The following CNBD1 variants were observed in gnomAD, a reference collection of about 807,000 sequenced individuals.
The protein encoded by CNBD1 is cyclic nucleotide-binding domain-containing protein 1.
In CNBD1, 71 loss-of-function variants were observed where a neutral mutation model predicts 54.4. That is an observed-to-expected ratio of 1.30 (90% CI 1.08 to 1.59). The LOEUF (loss-of-function observed/expected upper bound fraction) is 1.59, where lower values mean the gene tolerates loss of function less well. Ranked by LOEUF, CNBD1 falls within the 40% of genes most tolerant of loss-of-function variation. CNBD1 has a pLI of 0.00. For synonymous variants in CNBD1, 182 were observed against 170.7 expected (o/e 1.07, Z -0.51); for missense variants, 659 against 518.0 (o/e 1.27, Z -2.64).
intron 5 of CNBD1, among the ~76,000 whole-genome samples, chr8:87,229,364 T>G (rs1397716407): frequency 5.9e-5 from 9 of 152,228 alleles, no homozygotes; most frequent in Non-Finnish European, 1.3e-4. Flanking sequence ...CCATGCTATT[T>G]GTTTCTTCTC....
At chr8:87,245,360 G>A (rs973116357) in intron 6 of CNBD1, among the ~76,000 whole-genome samples, 4 of 151,848 alleles carry the variant, frequency 2.6e-5, no homozygotes, top group African/African-American at 7.2e-5. Flanking sequence ...GTTTACCAAC[G>A]CTTTTTTAAT....
chr8:86,986,115 A>G (rs977492196), intron 4 of CNBD1, among the ~76,000 whole-genome samples: 12 of 152,032 alleles, frequency 7.9e-5, no homozygotes, highest in Admixed American at 3.9e-4. Context: ...TTTTTAGTAG[A>G]GATAGGGTTT....
chr8:87,102,370 A>T (rs972185630), intron 4 of CNBD1, among the ~76,000 whole-genome samples: 4 of 152,166 alleles, frequency 2.6e-5, no homozygotes, highest in Non-Finnish European at 5.9e-5. Context: ...CATGGCGAGA[A>T]TTCGTATGAA....
intron 6 of CNBD1, among the ~76,000 whole-genome samples, chr8:87,266,710 C>T (rs1055480115): frequency 6.6e-6 from 1 of 151,808 alleles, no homozygotes; most frequent in African/African-American, 2.4e-5. Flanking sequence ...CCTCGGTCTC[C>T]CAAAGTGCTG....
chr8:87,377,422 G>A (rs945530636), intron 10 of CNBD1, among the ~76,000 whole-genome samples: 12 of 151,288 alleles, frequency 7.9e-5, no homozygotes, highest in African/African-American at 2.4e-4. Context: ...TTGTTCTTGC[G>A]ATAGTTTATT....
At chr8:86,971,512 T>C (rs1018412170) in intron 4 of CNBD1, among the ~76,000 whole-genome samples, 9 of 152,242 alleles carry the variant, frequency 5.9e-5, no homozygotes, top group Non-Finnish European at 7.3e-5. Context: ...TTTAGTTTTA[T>C]GTTATCTTTG....
At chr8:87,073,266 AG>A (rs1025068654) in intron 4 of CNBD1, among the ~76,000 whole-genome samples, 1 of 151,772 alleles carries the variant, frequency 6.6e-6, no homozygotes, top group African/African-American at 2.4e-5. Flanking sequence ...AGCTCAGTAA[AG>A]TTTGTTATTA....
At chr8:87,087,905 A>G (rs1811134728) in intron 4 of CNBD1, among the ~76,000 whole-genome samples, 1 of 152,204 alleles carries the variant, frequency 6.6e-6, no homozygotes, top group African/African-American at 2.4e-5. Context: ...TGCGGTCAGC[A>G]GGTGGTGAAT....
chr8:87,250,608 T>A (rs1720643941), intron 6 of CNBD1, among the ~76,000 whole-genome samples: 1 of 152,158 alleles, frequency 6.6e-6, no homozygotes, highest in Non-Finnish European at 1.5e-5. Context: ...TAAAGAAATG[T>A]GGTATATGTA....
intron 2 of CNBD1, among the ~76,000 whole-genome samples, chr8:87,422,752 T>C (rs1807963792): frequency 6.6e-6 from 1 of 152,184 alleles, no homozygotes; most frequent in African/African-American, 2.4e-5. Flanking sequence ...GACTTGACGA[T>C]GCGGGCTCTT....
At chr8:87,096,973 T>C (rs1177829086) in intron 4 of CNBD1, among the ~76,000 whole-genome samples, 4 of 152,208 alleles carry the variant, frequency 2.6e-5, no homozygotes, top group Non-Finnish European at 1.5e-5. Context: ...CAGCTCAGGA[T>C]ATACTTGGAA....
At chr8:87,400,868 T>C (rs981661365) in intron 2 of CNBD1, among the ~76,000 whole-genome samples, 3 of 152,050 alleles carry the variant, frequency 2.0e-5, no homozygotes, top group African/African-American at 7.2e-5. Flanking sequence ...AGAATAATCA[T>C]GCTTTGTTGC....
chr8:87,274,384 C>A (rs1001173691), intron 6 of CNBD1, among the ~76,000 whole-genome samples: 1 of 146,678 alleles, frequency 6.8e-6, no homozygotes, highest in African/African-American at 2.6e-5. Flanking sequence ...TACAGTCCCA[C>A]CAACAGTGTA....
chr8:87,183,812 C>T (rs1813413851), intron 4 of CNBD1, among the ~76,000 whole-genome samples: 1 of 152,186 alleles, frequency 6.6e-6, no homozygotes, highest in Non-Finnish European at 1.5e-5. Context: ...AAGCTCAGTT[C>T]AGCATTGCTG....
intron 9 of CNBD1, among the ~76,000 whole-genome samples, chr8:87,352,197 A>G (rs896540172): frequency 2.0e-5 from 3 of 152,194 alleles, no homozygotes; most frequent in African/African-American, 7.2e-5. Flanking sequence ...TATGAATCCT[A>G]GGGCTGGGCA....
At chr8:87,334,573 T>C (rs995807607) in intron 8 of CNBD1, among the ~76,000 whole-genome samples, 10 of 98,356 alleles carry the variant, frequency 1.0e-4, no homozygotes, top group African/African-American at 5.5e-4. Context: ...TTCTGGTATG[T>C]TTTTCTGTTT....
At chr8:86,882,520 C>G (rs191806285) in intron 1 of CNBD1, among the ~76,000 whole-genome samples, 1 of 152,046 alleles carries the variant, frequency 6.6e-6, no homozygotes, top group African/African-American at 2.4e-5. Context: ...AAAAAAATAA[C>G]AGATGCTGGT....
intron 2 of CNBD1, among the ~76,000 whole-genome samples, chr8:87,421,186 G>C (rs1807927689): frequency 6.6e-6 from 1 of 151,578 alleles, no homozygotes; most frequent in Non-Finnish European, 1.5e-5. Context: ...TCTAAAATTA[G>C]GCAAGTTACA....
intron 4 of CNBD1, among the ~76,000 whole-genome samples, chr8:86,989,112 C>G (rs1188002352): frequency 6.6e-6 from 1 of 151,878 alleles, no homozygotes; most frequent in Non-Finnish European, 1.5e-5. Flanking sequence ...CTCTACTAAA[C>G]ATTAAAAAAA....
Sources: gnomAD v4.1 joint callset for allele counts (sites outside exome capture counted in the v4.1 genomes callset) on GRCh38, gnomAD v4.1.1 for gene constraint, MANE v1.5 for transcripts, NCBI Gene and HGNC (gene_info 2026-07-23, HGNC 2026-07-21) for gene names.